The following SLC44A5 variants were observed in gnomAD, a reference collection of about 807,000 sequenced individuals.
SLC44A5 encodes choline transporter-like protein 5.
SLC44A5 carries 57 observed loss-of-function variants against 101.8 expected under a neutral mutation model. The ratio of observed to expected loss-of-function variants is 0.56; its 90% CI spans 0.45 to 0.70. The LOEUF is 0.70. Among genes scored for constraint, SLC44A5 ranks in the 30% least tolerant of loss-of-function variants. The probability of loss-of-function intolerance (pLI) is 0.00; values close to 1 mark genes in which losing one functional copy is unlikely to be tolerated. For synonymous variants in SLC44A5, 281 were observed against 290.9 expected (o/e 0.97, Z 0.35); for missense variants, 737 against 853.1 (o/e 0.86, Z 1.70).
the SLC44A5 span, among the ~76,000 whole-genome samples, chr1:75,624,059 G>C: frequency 6.6e-6 from 1 of 152,104 alleles, no homozygotes; most frequent in Non-Finnish European, 1.5e-5. Flanking sequence ...ATATTGATGT[G>C]TCAGAAAACA....
At chr1:75,642,937 T>C in the SLC44A5 span, among the ~76,000 whole-genome samples, 3 of 152,172 alleles carry the variant, frequency 2.0e-5, no homozygotes, top group Non-Finnish European at 4.4e-5. Flanking sequence ...ACTGGACAAA[T>C]TAAATTGGTT....
At chr1:75,680,942 C>T in the SLC44A5 span, among the ~76,000 whole-genome samples, 1 of 149,900 alleles carries the variant, frequency 6.7e-6, no homozygotes, top group African/African-American at 2.5e-5. Context: ...CACCACCGAA[C>T]CCACAGAAAT....
At chr1:75,251,357 C>A in intron 6 of SLC44A5, 63 bp from the exon 7 acceptor site, 1 of 1,328,430 alleles carries the variant, frequency 7.5e-7, no homozygotes, top group Non-Finnish European at 1.1e-6. Flanking sequence ...CATTTCAGAC[C>A]CTGAACACTT....
Position 75,222,387 on chromosome 1 carries a change from G to T in SLC44A5, c.1059C>A (p.Ala353=), listed in dbSNP as rs755247118. 88 of 1,613,664 alleles carry T rather than the reference G, an allele frequency of 5.5e-5. 1 individual carries two copies. The highest frequency in any genetic ancestry group is 3.5e-4 in the South Asian group (32 of 91,074). The part of the protein sequence containing the change: ...LIFLRNRIRV[A]IILLKEGSKA... ...TGCTTCCTTCCTTCAGCAGGATAATGGCGACTCGGATTCGATTCCTGAGGA... is the reference window on the plus strand; with the variant it reads ...TGCTTCCTTCCTTCAGCAGGATAATTGCGACTCGGATTCGATTCCTGAGGA... The change falls in exon 14 of 24, where the codon GCC becomes GCA. Residue 353 remains alanine (A), a synonymous_variant. Coordinates refer to ENST00000370859, the MANE Select transcript of SLC44A5 (RefSeq NM_001130058.2).
the SLC44A5 span, among the ~76,000 whole-genome samples, chr1:75,695,356 G>A: frequency 2.6e-5 from 4 of 152,098 alleles, no homozygotes; most frequent in Non-Finnish European, 4.4e-5. Context: ...ATCAGATAAC[G>A]CCAAGTAGAC....
At chr1:75,633,245 A>T in the SLC44A5 span, among the ~76,000 whole-genome samples, 1 of 152,118 alleles carries the variant, frequency 6.6e-6, no homozygotes, top group African/African-American at 2.4e-5. Context: ...AGTTTTTTCC[A>T]ATTCTGTGAA....
intron 2 of SLC44A5, among the ~76,000 whole-genome samples, chr1:75,405,479 A>G (rs148854785): frequency 0.013 from 2,047 of 152,312 alleles, 47 homozygotes; most frequent in African/African-American, 0.047. Flanking sequence ...CAGCAAATGC[A>G]AAAGAATGGA....
chr1:75,685,010 G>A, the SLC44A5 span, among the ~76,000 whole-genome samples: 2 of 152,136 alleles, frequency 1.3e-5, no homozygotes, highest in South Asian at 2.1e-4. Flanking sequence ...CTCTGAAATC[G>A]AGGCAGAGCT....
At chr1:75,533,357 A>G (rs1670825969) in intron 2 of SLC44A5, among the ~76,000 whole-genome samples, 2 of 152,292 alleles carry the variant, frequency 1.3e-5, no homozygotes, top group African/African-American at 4.8e-5. Flanking sequence ...ACAATAGAAA[A>G]CCTTATCATT....
At chr1:75,590,861 C>G (rs1674312652) in intron 1 of SLC44A5, among the ~76,000 whole-genome samples, 1 of 152,166 alleles carries the variant, frequency 6.6e-6, no homozygotes, top group African/African-American at 2.4e-5. Context: ...CTGAACCCAC[C>G]TGGAGCTTAG....
chr1:75,280,417 T>TATATATAGTATATA (rs1356202809), intron 5 of SLC44A5, among the ~76,000 whole-genome samples: 27 of 81,218 alleles, frequency 3.3e-4, no homozygotes, highest in African/African-American at 1.3e-3. Context: ...GTATATATAA[T>TATATATAGTATATA]ATATATATTG....
intron 14 of SLC44A5, among the ~76,000 whole-genome samples, chr1:75,220,368 G>A (rs911775838): frequency 6.6e-6 from 1 of 151,956 alleles, no homozygotes; most frequent in Non-Finnish European, 1.5e-5. Context: ...TCTTATCAAG[G>A]TATTAGAAAT....
At chr1:75,322,802 C>T (rs776172731) in intron 4 of SLC44A5, among the ~76,000 whole-genome samples, 3 of 152,186 alleles carry the variant, frequency 2.0e-5, no homozygotes, top group Non-Finnish European at 4.4e-5. Context: ...AAGAACTCTA[C>T]ACTCATAACC....
upstream of SLC44A5, among the ~76,000 whole-genome samples, chr1:75,614,581 C>A (rs1486383164): frequency 1.3e-5 from 2 of 152,176 alleles, no homozygotes; most frequent in Non-Finnish European, 1.5e-5. Context: ...CTCCCACAAG[C>A]CAGACTTGGG....
intron 3 of SLC44A5, among the ~76,000 whole-genome samples, chr1:75,363,508 G>C (rs1659647024): frequency 6.6e-6 from 1 of 151,692 alleles, no homozygotes. Flanking sequence ...TTTATATTTA[G>C]GCTGTTTTAA....
chr1:75,366,660 T>G (rs1211257348), intron 3 of SLC44A5, among the ~76,000 whole-genome samples: 2 of 151,986 alleles, frequency 1.3e-5, no homozygotes, highest in Non-Finnish European at 2.9e-5. Flanking sequence ...TATAATGAAT[T>G]TATTTGTTTG....
intron 2 of SLC44A5, among the ~76,000 whole-genome samples, chr1:75,448,609 C>A (rs1488573827): frequency 6.6e-6 from 1 of 152,176 alleles, no homozygotes; most frequent in Non-Finnish European, 1.5e-5. Flanking sequence ...GCCTCCTAGA[C>A]ATTTCACAAA....
At chr1:75,641,556 C>T in the SLC44A5 span, 3 of 1,505,950 alleles carry the variant, frequency 2.0e-6, no homozygotes, top group Non-Finnish European at 2.8e-6. Context: ...TGAAAAACTT[C>T]CTCATTTACT....
rs577040802 is a variant in SLC44A5, at chr1:75,360,007, T to C, written c.53-20377A>G. Among the ~76,000 whole-genome samples, 41 of 152,314 alleles carry C rather than the reference T, an allele frequency of 2.7e-4. No individual in the cohort carries two copies. In the South Asian group the frequency reaches 7.9e-3, roughly 29 times the overall value. The stretch of plus-strand genomic sequence containing the variant: ...TTCAGGTCCTTTCCCTATGTTTTAA[T>C]TGAGTTACTTGTTTCCTTGCTACTG... On this transcript the variant is annotated intron_variant, in intron 3 of 23. Transcript: ENST00000370859.
Sources: gnomAD v4.1 joint callset for allele counts (sites outside exome capture counted in the v4.1 genomes callset) on GRCh38, gnomAD v4.1.1 for gene constraint, MANE v1.5 for transcripts, NCBI Gene and HGNC (gene_info 2026-07-23, HGNC 2026-07-21) for gene names.